The following PLCB1 variants were observed in gnomAD, a reference collection of about 807,000 sequenced individuals.
PLCB1 encodes the protein phospholipase C beta 1.
In PLCB1, 46 loss-of-function variants were observed where a neutral mutation model predicts 161.8. The ratio of observed to expected loss-of-function variants is 0.28; its 90% CI spans 0.22 to 0.36. The LOEUF (loss-of-function observed/expected upper bound fraction) is 0.36. Ranked by LOEUF, PLCB1 falls within the 10% of genes least tolerant of loss-of-function variation. The pLI, the probability that PLCB1 is intolerant of heterozygous loss-of-function variation, is 1.00. For synonymous variants in PLCB1, 517 were observed against 503.7 expected (o/e 1.03, Z -0.35); for missense variants, 1,016 against 1,472.5 (o/e 0.69, Z 5.07).
At chr20:8,595,310 C>G (rs1004453493) in intron 3 of PLCB1, among the ~76,000 whole-genome samples, 2 of 143,468 alleles carry the variant, frequency 1.4e-5, no homozygotes, top group Non-Finnish European at 3.0e-5. Context: ...TCCATGTGAT[C>G]TCATTGTTCA....
At chr20:8,832,837 C>T (rs575764700) in intron 31 of PLCB1, among the ~76,000 whole-genome samples, 28 of 152,258 alleles carry the variant, frequency 1.8e-4, no homozygotes, top group African/African-American at 6.0e-4. Flanking sequence ...GGGAACCCTG[C>T]GAGGGTTTAG....
chr20:8,559,753 G>A (rs1166797205), intron 3 of PLCB1, among the ~76,000 whole-genome samples: 4 of 151,968 alleles, frequency 2.6e-5, no homozygotes, highest in African/African-American at 9.7e-5. Flanking sequence ...AATTCATCAA[G>A]AATATAAAAC....
At chr20:8,167,273 A>G (rs974477026) in intron 2 of PLCB1, among the ~76,000 whole-genome samples, 3 of 152,192 alleles carry the variant, frequency 2.0e-5, no homozygotes, top group African/African-American at 7.2e-5. Flanking sequence ...GAACTCCAAG[A>G]CTATTAGTTG....
At chr20:8,370,185 A>C (rs1265192883) in intron 2 of PLCB1, among the ~76,000 whole-genome samples, 2 of 152,196 alleles carry the variant, frequency 1.3e-5, no homozygotes, top group Non-Finnish European at 2.9e-5. Context: ...ACAACTGCTC[A>C]CTGCACCACA....
intron 3 of PLCB1, among the ~76,000 whole-genome samples, chr20:8,538,751 A>G (rs1985153097): frequency 6.6e-6 from 1 of 152,070 alleles, no homozygotes; most frequent in Non-Finnish European, 1.5e-5. Context: ...AATAAATAAA[A>G]ACTATCTTAA....
At chr20:8,287,338 G>A (rs1983167347) in intron 2 of PLCB1, among the ~76,000 whole-genome samples, 1 of 152,066 alleles carries the variant, frequency 6.6e-6, no homozygotes, top group African/African-American at 2.4e-5. Flanking sequence ...CAGTGTTTCT[G>A]GGATCACGAA....
chr20:8,324,091 A>G (rs1025434994), intron 2 of PLCB1, among the ~76,000 whole-genome samples: 3 of 152,194 alleles, frequency 2.0e-5, no homozygotes, highest in African/African-American at 4.8e-5. Context: ...AGTGACTGCT[A>G]TAATCATAAC....
intron 26 of PLCB1, among the ~76,000 whole-genome samples, chr20:8,766,104 A>G (rs576018944): frequency 3.3e-5 from 5 of 152,198 alleles, no homozygotes; most frequent in Admixed American, 3.3e-4. Flanking sequence ...CCAAACCTTG[A>G]TGATGAGAAG....
intron 31 of PLCB1, among the ~76,000 whole-genome samples, chr20:8,817,689 T>G (rs1036198649): frequency 3.3e-5 from 5 of 152,116 alleles, no homozygotes; most frequent in Non-Finnish European, 5.9e-5. Context: ...ACAGATAAAG[T>G]TCCAGGAAAT....
intron 2 of PLCB1, among the ~76,000 whole-genome samples, chr20:8,265,604 T>C (rs1253745385): frequency 6.6e-6 from 1 of 152,218 alleles, no homozygotes; most frequent in African/African-American, 2.4e-5. Flanking sequence ...TATATCTTAA[T>C]GTGTTCTTGT....
chr20:8,868,605 G>C (rs1358427514), intron 31 of PLCB1, among the ~76,000 whole-genome samples: 1 of 152,132 alleles, frequency 6.6e-6, no homozygotes, highest in African/African-American at 2.4e-5. Context: ...ATGGAGCCCT[G>C]GATAGGAGGC....
At chr20:8,227,317 T>G (rs1393187146) in intron 2 of PLCB1, among the ~76,000 whole-genome samples, 2 of 152,212 alleles carry the variant, frequency 1.3e-5, no homozygotes, top group Admixed American at 1.3e-4. Context: ...TTTGCCTGTC[T>G]ACATTAGCAT....
rs1207948876 is a variant in PLCB1, at chr20:8,760,477, C to T, written c.2710+17C>T. 5.7e-6 allele frequency: 9 copies of T among 1,591,402 alleles called. No homozygotes were observed. The African/African-American group carries it at 1.2e-4, about 21-fold the overall frequency. On this transcript the variant is annotated intron_variant, in intron 25 of 31. Coordinates refer to ENST00000338037, the MANE Select transcript of PLCB1 (RefSeq NM_015192.4). ...TCTTAACAGGTAAATGCCACCCTTT[C>T]CCCCCATGGAATTAAGCAGCTCAGT...
chr20:8,735,227 T>G lies in PLCB1; in HGVS notation c.2044-1801T>G, dbSNP rs560390014. ...TTTTGCTTTGCTTGCAGATTCGTCTTGTTTTGAATGTATTTGTTTGCTTAT... is the reference window on the plus strand; with the variant it reads ...TTTTGCTTTGCTTGCAGATTCGTCTGGTTTTGAATGTATTTGTTTGCTTAT... On this transcript the variant is annotated intron_variant, in intron 19 of 31. Coordinates refer to ENST00000338037, the MANE Select transcript of PLCB1 (RefSeq NM_015192.4). Among the ~76,000 whole-genome samples, 90 of 152,372 alleles carry G rather than the reference T, an allele frequency of 5.9e-4. 2 individuals carry two copies. In the South Asian group the frequency reaches 0.018, roughly 30 times the overall value.
intron 1 of PLCB1, among the ~76,000 whole-genome samples, chr20:8,133,620 C>G (rs2051315175): frequency 6.6e-6 from 1 of 152,166 alleles, no homozygotes. Context: ...CAGTTGTCTT[C>G]AAAACACGTA....
chr20:8,524,746 T>G (rs1333510009), intron 3 of PLCB1, among the ~76,000 whole-genome samples: 1 of 152,204 alleles, frequency 6.6e-6, no homozygotes, highest in South Asian at 2.1e-4. Context: ...AGAGTTGTTT[T>G]GTTTGTATGA....
At chr20:8,208,813 C>T (rs6055648) in intron 2 of PLCB1, among the ~76,000 whole-genome samples, 39,673 of 151,748 alleles carry the variant, frequency 0.26, 6,045 homozygotes, top group African/African-American at 0.42. Flanking sequence ...ATGAGAATAC[C>T]CTTTCAGATA....
At chr20:8,805,390 A>G (rs1339231968) in intron 31 of PLCB1, among the ~76,000 whole-genome samples, 1 of 152,250 alleles carries the variant, frequency 6.6e-6, no homozygotes, top group Non-Finnish European at 1.5e-5. Context: ...CCAATGAAAC[A>G]TTAGAAAATT....
chr20:8,754,686 C>T (rs1028368), intron 23 of PLCB1, among the ~76,000 whole-genome samples: 48,995 of 152,072 alleles, frequency 0.32, 8,527 homozygotes, highest in East Asian at 0.5. Context: ...GCCAGCAAAG[C>T]GTTACCCCTG....
Sources: allele counts gnomAD v4.1 joint callset (sites outside exome capture counted in the v4.1 genomes callset), GRCh38; gene constraint gnomAD v4.1.1; transcripts MANE v1.5; gene names NCBI Gene and HGNC (gene_info 2026-07-23, HGNC 2026-07-21).